Variants in CUX1 observed in about 807,000 individuals in gnomAD.
The protein encoded by CUX1 is cut like homeobox 1.
CUX1 carries 31 observed loss-of-function variants against 158.8 expected under a neutral mutation model. The observed-to-expected ratio is 0.20, with a 90% CI of 0.15 to 0.26. The LOEUF (loss-of-function observed/expected upper bound fraction) is 0.26. Among genes scored for constraint, CUX1 ranks in the 10% least tolerant of loss-of-function variants. CUX1 has a pLI of 1.00. For synonymous variants in CUX1, 879 were observed against 862.1 expected (o/e 1.02, Z -0.34); for missense variants, 1,589 against 2,014.6 (o/e 0.79, Z 4.04).
At chr7:101,816,007 C>T, upstream of CUX1, 2 of 1,404,532 alleles carry the variant, frequency 1.4e-6, no homozygotes, top group Non-Finnish European at 1.9e-6. Context: ...ATCAGCCGCT[C>T]ACTCCGTCTC....
Position 101,892,415 on chromosome 7 carries a change from C to T in CUX1, c.31-23700C>T, listed in dbSNP as rs141283726. ...ATCCCAAAGTGTCTTCTGGTTGTTC[C>T]GTTTTTCAGAAGTTACTGTGGGCTT... On this transcript the variant is annotated intron_variant, in intron 1 of 23. Transcript: ENST00000292535. Among the ~76,000 whole-genome samples, 13 of 152,222 alleles carry T rather than the reference C, an allele frequency of 8.5e-5. No homozygotes were observed. The East Asian group carries it at 2.3e-3, about 27-fold the overall frequency.
intron 2 of CUX1, among the ~76,000 whole-genome samples, chr7:101,981,636 G>A (rs976816720): frequency 1.3e-5 from 2 of 150,754 alleles, no homozygotes; most frequent in Non-Finnish European, 3.0e-5. Context: ...TTTTTGAGAC[G>A]GAGTCTCGCT....
chr7:102,229,695 A>G (rs1295816021), intron 21 of CUX1, among the ~76,000 whole-genome samples: 1 of 133,806 alleles, frequency 7.5e-6, no homozygotes, highest in African/African-American at 2.9e-5. Flanking sequence ...GCGGCTCACT[A>G]TAATCACTGC....
At chr7:102,095,746 A>G (rs1481724869) in intron 4 of CUX1, among the ~76,000 whole-genome samples, 1 of 152,188 alleles carries the variant, frequency 6.6e-6, no homozygotes, top group African/African-American at 2.4e-5. Context: ...ACTGGAGACT[A>G]AATCTCTGCA....
At chr7:101,851,294 C>T (rs1376877105) in intron 1 of CUX1, among the ~76,000 whole-genome samples, 3 of 151,962 alleles carry the variant, frequency 2.0e-5, no homozygotes, top group East Asian at 1.9e-4. Flanking sequence ...TATGGAAGGC[C>T]ATCAGTGAGG....
At chr7:102,153,596 G>A (rs1835931629) in intron 8 of CUX1, 1 of 152,246 alleles carries the variant, frequency 6.6e-6, no homozygotes, top group Admixed American at 6.5e-5. Context: ...CTCAGAGATG[G>A]GGGCCATCCC....
chr7:102,090,531 G>A (rs1828458848), intron 4 of CUX1, among the ~76,000 whole-genome samples: 1 of 151,910 alleles, frequency 6.6e-6, no homozygotes, highest in African/African-American at 2.4e-5. Flanking sequence ...GGGACTACAG[G>A]AGCCCGCCAC....
chr7:102,096,161 A>T (rs201450), intron 4 of CUX1, among the ~76,000 whole-genome samples: 92,175 of 152,216 alleles, frequency 0.61, 29,783 homozygotes, highest in African/African-American at 0.79. Flanking sequence ...CTCTGCACTT[A>T]GTTATCATCA....
intron 1 of CUX1, among the ~76,000 whole-genome samples, chr7:101,829,718 AGGGAC>A (rs1011063008): frequency 3.9e-4 from 60 of 152,090 alleles, no homozygotes; most frequent in African/African-American, 1.4e-3. Context: ...GCACTTTCTC[AGGGAC>A]GCCTGGCTGG....
At chr7:102,020,163 G>T (rs1198025326) in intron 2 of CUX1, among the ~76,000 whole-genome samples, 1 of 152,208 alleles carries the variant, frequency 6.6e-6, no homozygotes, top group Non-Finnish European at 1.5e-5. Context: ...GTCTGCTGTT[G>T]TATAGAAAGA....
intron 21 of CUX1, among the ~76,000 whole-genome samples, chr7:102,233,758 G>T (rs1251267760): frequency 6.6e-6 from 1 of 152,160 alleles, no homozygotes; most frequent in East Asian, 1.9e-4. Context: ...CTGCGCTCCA[G>T]CCTGGGTGAC....
intron 11 of CUX1, among the ~76,000 whole-genome samples, chr7:102,185,609 T>G (rs1306950605): frequency 1.4e-4 from 21 of 149,992 alleles, no homozygotes; most frequent in Non-Finnish European, 2.1e-4. Context: ...TTTTTTTTGT[T>G]TTTTTTTTTT....
intron 20 of CUX1, among the ~76,000 whole-genome samples, chr7:102,222,276 T>G (rs1174664009): frequency 6.6e-6 from 1 of 151,912 alleles, no homozygotes; most frequent in East Asian, 1.9e-4. Context: ...AGACCTCGTC[T>G]CAAAAAAAAT....
At chr7:101,877,473 G>C (rs549532405) in intron 1 of CUX1, among the ~76,000 whole-genome samples, 1 of 152,268 alleles carries the variant, frequency 6.6e-6, no homozygotes, top group East Asian at 1.9e-4. Context: ...GATCACTTGA[G>C]GTCAGGAGTT....
chr7:101,860,816 T>C (rs533615832), intron 1 of CUX1, among the ~76,000 whole-genome samples: 208 of 148,126 alleles, frequency 1.4e-3, no homozygotes, highest in Non-Finnish European at 1.1e-3. Context: ...TCTCTTTCCT[T>C]TTTTTAAAGA....
chr7:101,902,361 TG>T (rs1240834276), intron 1 of CUX1, among the ~76,000 whole-genome samples: 1 of 152,208 alleles, frequency 6.6e-6, no homozygotes, highest in Non-Finnish European at 1.5e-5. Context: ...AGGCCAGCAC[TG>T]TCCCTAGAAC....
rs10527026 is a variant in CUX1, at chr7:102,108,736, T to TTGTGTGTGTGTGTGTGTGTGTG, written c.531-2948_531-2927dup. On this transcript the variant is annotated intron_variant, in intron 6 of 23. Coordinates refer to ENST00000292535, the MANE Select transcript of CUX1 (RefSeq NM_181552.4). ...GAAGCTAGAATTTACTTCATTCATT[T>TTGTGTGTGTGTGTGTGTGTGTG]TGTGTGTGTGTGTGTGTGTGTGTGT... Among the ~76,000 whole-genome samples, 369 of 145,038 alleles carry TTGTGTGTGTGTGTGTGTGTGTG rather than the reference T, an allele frequency of 2.5e-3. 2 individuals are homozygous for TTGTGTGTGTGTGTGTGTGTGTG. Among genetic ancestry groups the TTGTGTGTGTGTGTGTGTGTGTG allele is most frequent in the African/African-American group, 7.7e-3 (294 of 38,254 alleles).
chr7:101,837,687 G>T (rs1334053390), intron 1 of CUX1, among the ~76,000 whole-genome samples: 1 of 151,642 alleles, frequency 6.6e-6, no homozygotes, highest in African/African-American at 2.4e-5. Context: ...AAGTAGCTGG[G>T]CATCATGGTG....
At chr7:101,829,033 TG>T (rs1031146437) in intron 1 of CUX1, among the ~76,000 whole-genome samples, 2 of 151,980 alleles carry the variant, frequency 1.3e-5, no homozygotes, top group African/African-American at 4.8e-5. Context: ...AGTGGAAAAG[TG>T]GGTGCCAAAG....
Sources: allele counts gnomAD v4.1 joint callset (sites outside exome capture counted in the v4.1 genomes callset), GRCh38; gene constraint gnomAD v4.1.1; transcripts MANE v1.5; gene names NCBI Gene and HGNC (gene_info 2026-07-23, HGNC 2026-07-21).